The following ARHGAP28 variants were observed in gnomAD, a reference collection of about 807,000 sequenced individuals.
ARHGAP28 encodes the protein rho GTPase-activating protein 28.
ARHGAP28 carries 56 observed loss-of-function variants against 90.7 expected under a neutral mutation model. That is an observed-to-expected ratio of 0.62 (90% confidence interval 0.50 to 0.77). ARHGAP28 has a LOEUF of 0.77. ARHGAP28 is among the 30% of genes least tolerant of loss of function. The pLI, the probability that ARHGAP28 is intolerant of heterozygous loss-of-function variation, is 0.00. For synonymous variants in ARHGAP28, 308 were observed against 323.3 expected (o/e 0.95, Z 0.51); for missense variants, 869 against 900.9 (o/e 0.96, Z 0.45).
intron 1 of ARHGAP28, among the ~76,000 whole-genome samples, chr18:6,792,782 A>G (rs972168573): frequency 6.6e-6 from 1 of 152,218 alleles, no homozygotes; most frequent in African/African-American, 2.4e-5. Context: ...CACTGTGACT[A>G]CATAAATTGC....
chr18:6,829,890 G>A (rs34222578), intron 2 of ARHGAP28, among the ~76,000 whole-genome samples: 12 of 152,320 alleles, frequency 7.9e-5, no homozygotes, highest in African/African-American at 2.9e-4. Flanking sequence ...TAGCAGCCCA[G>A]CATTAAGGTG....
intron 17 of ARHGAP28, 32 bp from the exon 18 acceptor site, chr18:6,912,028 C>T: frequency 7.0e-7 from 1 of 1,435,316 alleles, no homozygotes; most frequent in Middle Eastern, 1.8e-4. Flanking sequence ...CACAAATGTA[C>T]ACTAATTCTC....
intron 17 of ARHGAP28, among the ~76,000 whole-genome samples, chr18:6,911,560 C>T (rs1455563637): frequency 6.6e-6 from 1 of 152,048 alleles, no homozygotes; most frequent in Non-Finnish European, 1.5e-5. Flanking sequence ...CTCAGCCTCC[C>T]CAGTAGCTGG....
At chr18:6,896,768 T>C in intron 16 of ARHGAP28, 142 bp downstream of exon 16, 1 of 980,058 alleles carries the variant, frequency 1.0e-6, no homozygotes, top group East Asian at 2.6e-5. Context: ...ATTACGAGAA[T>C]AAAAAGAGAA....
intron 5 of ARHGAP28, among the ~76,000 whole-genome samples, chr18:6,864,524 C>T (rs1359643704): frequency 6.6e-6 from 1 of 152,064 alleles, no homozygotes; most frequent in African/African-American, 2.4e-5. Context: ...CATATACATG[C>T]ATACACATAC....
intron 1 of ARHGAP28, among the ~76,000 whole-genome samples, chr18:6,759,997 G>A (rs1251792703): frequency 1.3e-5 from 2 of 152,142 alleles, no homozygotes; most frequent in East Asian, 3.9e-4. Flanking sequence ...AGAAACTTGT[G>A]ATCAAAACAT....
At chr18:6,826,268 A>G (rs1033670531) in intron 2 of ARHGAP28, among the ~76,000 whole-genome samples, 1 of 151,838 alleles carries the variant, frequency 6.6e-6, no homozygotes, top group Non-Finnish European at 1.5e-5. Flanking sequence ...GTCTGTTTGT[A>G]TGTCTTCTTT....
At position 6,898,740 on chromosome 18, in the gene ARHGAP28, A is replaced by C. The variant is rs562338999; in HGVS notation, c.2030+2114A>C. ...GAACTAATGACTGCAGAGAGACTCA[A>C]ATCTTTTATAACAACTTGTTCAAAA... On this transcript the variant is annotated intron_variant, in intron 16 of 17. Coordinates refer to ENST00000383472, the MANE Select transcript of ARHGAP28 (RefSeq NM_001366230.1). 67 of 1,290,372 alleles carry C rather than the reference A, an allele frequency of 5.2e-5. 1 individual carries two copies. The South Asian group carries it at 1.6e-3, about 31-fold the overall frequency. The allele number at this position is 1,290,372 out of a possible 1,614,324, so 79.9% of individuals were successfully genotyped here.
chr18:6,876,456 A>G lies in ARHGAP28; in HGVS notation c.1290+248A>G, dbSNP rs2057131795. Among the ~76,000 whole-genome samples, 3 of 152,224 alleles carry G rather than the reference A, an allele frequency of 2.0e-5. No homozygotes were observed. In the South Asian group the frequency reaches 6.2e-4, roughly 32 times the overall value. On this transcript the variant is annotated intron_variant, in intron 10 of 17. Coordinates refer to ENST00000383472, the MANE Select transcript of ARHGAP28 (RefSeq NM_001366230.1). ...TGAAATAGCACATCAATTCACCATCAAAAACTGCTGCTTGCCTTTAGTTTG... is the reference window on the plus strand; with the variant it reads ...TGAAATAGCACATCAATTCACCATCGAAAACTGCTGCTTGCCTTTAGTTTG...
chr18:6,879,998 G>A lies in ARHGAP28; in HGVS notation c.1291-2139G>A, dbSNP rs144548940. On this transcript the variant is annotated intron_variant, in intron 10 of 17. Coordinates refer to ENST00000383472, the MANE Select transcript of ARHGAP28 (RefSeq NM_001366230.1). ...CTCACAGGTTAGGACGGCCACATTT[G>A]TGATTCAGATAGATTCCTTTGCAGA... Among the ~76,000 whole-genome samples, 129 of 152,300 alleles carry A rather than the reference G, an allele frequency of 8.5e-4. 2 individuals carry two copies. Among genetic ancestry groups the A allele is most frequent in the Admixed American group, 5.0e-3 (76 of 15,300 alleles).
chr18:6,880,664 GCATTTGTAT>G (rs1197895565), intron 10 of ARHGAP28, among the ~76,000 whole-genome samples: 1 of 152,178 alleles, frequency 6.6e-6, no homozygotes, highest in Non-Finnish European at 1.5e-5. Context: ...GGATCTGCTG[GCATTTGTAT>G]CACTGCTTGA....
chr18:6,797,493 TC>T (rs1336593449), intron 1 of ARHGAP28, among the ~76,000 whole-genome samples: 2 of 152,114 alleles, frequency 1.3e-5, no homozygotes, highest in South Asian at 2.1e-4. Flanking sequence ...ATGATATTTC[TC>T]CCCCACCTCC....
At chr18:6,817,718 A>G (rs2143727914) in intron 1 of ARHGAP28, among the ~76,000 whole-genome samples, 1 of 152,306 alleles carries the variant, frequency 6.6e-6, no homozygotes, top group South Asian at 2.1e-4. Flanking sequence ...AGCACCAGTC[A>G]TCTTGTCCAC....
At chr18:6,911,069 T>G (rs757415043) in intron 17 of ARHGAP28, among the ~76,000 whole-genome samples, 44 of 151,934 alleles carry the variant, frequency 2.9e-4, no homozygotes, top group Admixed American at 5.2e-4. Flanking sequence ...CTCCTGACCT[T>G]GTGATCCGCC....
intron 2 of ARHGAP28, among the ~76,000 whole-genome samples, chr18:6,827,237 G>A (rs1376399459): frequency 5.9e-5 from 9 of 151,920 alleles, no homozygotes; most frequent in South Asian, 2.1e-4. Flanking sequence ...CCGGGCAGAG[G>A]GGCTCCTCAC....
intron 1 of ARHGAP28, among the ~76,000 whole-genome samples, chr18:6,748,122 A>G (rs1039983144): frequency 6.6e-6 from 1 of 152,210 alleles, no homozygotes; most frequent in African/African-American, 2.4e-5. Flanking sequence ...AAAGTGGTGA[A>G]GGAGATCCAG....
intron 2 of ARHGAP28, among the ~76,000 whole-genome samples, chr18:6,827,983 G>A (rs1302938653): frequency 6.6e-6 from 1 of 152,034 alleles, no homozygotes. Context: ...TCGGCACTTT[G>A]GGAGGCCAAG....
At chr18:6,801,544 A>G (rs974140898) in intron 1 of ARHGAP28, among the ~76,000 whole-genome samples, 1 of 152,166 alleles carries the variant, frequency 6.6e-6, no homozygotes, top group Non-Finnish European at 1.5e-5. Flanking sequence ...AAAGCCTGCT[A>G]GGATTTTGGT....
chr18:6,905,083 C>T (rs1454419325), intron 16 of ARHGAP28, among the ~76,000 whole-genome samples: 1 of 151,466 alleles, frequency 6.6e-6, no homozygotes, highest in Non-Finnish European at 1.5e-5. Context: ...GTATTAATAC[C>T]CTGATACCAA....
Sources: gnomAD v4.1 joint callset for allele counts (sites outside exome capture counted in the v4.1 genomes callset) on GRCh38, gnomAD v4.1.1 for gene constraint, MANE v1.5 for transcripts, NCBI Gene and HGNC (gene_info 2026-07-23, HGNC 2026-07-21) for gene names.